Variants in RP1 observed in about 807,000 individuals in gnomAD.
The protein encoded by RP1 is oxygen-regulated protein 1.
RP1 carries 16 observed loss-of-function variants against 14.8 expected under a neutral mutation model. The observed-to-expected ratio is 1.08, with a 90% confidence interval of 0.73 to 1.65. The LOEUF (loss-of-function observed/expected upper bound fraction) is 1.65. Among genes scored for constraint, RP1 ranks in the 40% most tolerant of loss-of-function variants. The pLI is 0.00. For synonymous variants in RP1, 876 were observed against 883.6 expected (o/e 0.99, Z 0.15); for missense variants, 2,631 against 2,535.0 (o/e 1.04, Z -0.81).
intron 12 of RP1, among the ~76,000 whole-genome samples, chr8:54,694,666 TC>T (rs1488116498): frequency 3.3e-5 from 5 of 152,158 alleles, no homozygotes; most frequent in Non-Finnish European, 5.9e-5. Flanking sequence ...GGTGGTGATA[TC>T]CCCTTTATTA....
At chr8:54,664,817 C>T (rs528993882) in intron 7 of RP1, among the ~76,000 whole-genome samples, 1 of 151,994 alleles carries the variant, frequency 6.6e-6, no homozygotes, top group East Asian at 1.9e-4. Flanking sequence ...ACAATGAGAG[C>T]AACAATAGAC....
intron 28 of RP1, among the ~76,000 whole-genome samples, chr8:54,867,374 G>A (rs577668891): frequency 4.6e-4 from 70 of 152,276 alleles, no homozygotes; most frequent in African/African-American, 1.7e-3. Flanking sequence ...TGAAATTCAA[G>A]CTCTAGGAAG....
At chr8:54,829,197 A>G (rs1277410556) in intron 24 of RP1, among the ~76,000 whole-genome samples, 2 of 152,124 alleles carry the variant, frequency 1.3e-5, no homozygotes, top group African/African-American at 4.8e-5. Flanking sequence ...TATGCAGTGC[A>G]TGACTATATA....
chr8:54,676,049 A>G (rs1283796251), intron 8 of RP1, among the ~76,000 whole-genome samples: 1 of 151,878 alleles, frequency 6.6e-6, no homozygotes, highest in Non-Finnish European at 1.5e-5. Flanking sequence ...CACTCATCCC[A>G]CTCATGAGGG....
intron 1 of RP1, among the ~76,000 whole-genome samples, chr8:54,604,377 A>G (rs1465938968): frequency 6.6e-6 from 1 of 152,208 alleles, no homozygotes. Flanking sequence ...CTTGCATCCC[A>G]GGGATGAAGC....
intron 7 of RP1, among the ~76,000 whole-genome samples, chr8:54,667,771 C>T (rs975928779): frequency 2.0e-5 from 3 of 152,044 alleles, no homozygotes; most frequent in Non-Finnish European, 2.9e-5. Flanking sequence ...TGCCATATTG[C>T]TGACATCACC....
intron 1 of RP1, among the ~76,000 whole-genome samples, chr8:54,618,684 C>T (rs938686456): frequency 6.6e-6 from 1 of 152,014 alleles, no homozygotes; most frequent in Non-Finnish European, 1.5e-5. Context: ...GAAATGGAGT[C>T]TTGCTCTGTC....
At chr8:54,672,960 G>A (rs80019844) in intron 7 of RP1, among the ~76,000 whole-genome samples, 1,673 of 152,134 alleles carry the variant, frequency 0.011, 31 homozygotes, top group African/African-American at 0.038. Context: ...TGTTCTGTTT[G>A]GTGGATAAAG....
chr8:54,691,459 A>G (rs1417751011), intron 12 of RP1, among the ~76,000 whole-genome samples: 1 of 152,086 alleles, frequency 6.6e-6, no homozygotes, highest in Non-Finnish European at 1.5e-5. Flanking sequence ...TATGAGTTCT[A>G]GTTTGTGCAT....
intron 19 of RP1, among the ~76,000 whole-genome samples, chr8:54,750,897 A>G (rs1224612900): frequency 6.6e-6 from 1 of 152,214 alleles, no homozygotes; most frequent in East Asian, 1.9e-4. Context: ...GATAGGACAG[A>G]AATGGAGCAT....
intron 24 of RP1, among the ~76,000 whole-genome samples, chr8:54,814,311 C>T (rs762073031): frequency 6.6e-6 from 1 of 151,976 alleles, no homozygotes; most frequent in Non-Finnish European, 1.5e-5. Context: ...AAGGTATGAG[C>T]CTTAAAGTGG....
At chr8:54,856,790 T>C (rs1054570343) in intron 26 of RP1, among the ~76,000 whole-genome samples, 27 of 152,318 alleles carry the variant, frequency 1.8e-4, no homozygotes, top group Middle Eastern at 3.4e-3. Context: ...CCTAATTACG[T>C]TCTAAAAATC....
At position 54,855,973 on chromosome 8, in the gene RP1, C is replaced by CACACA. The variant is rs367829972; in HGVS notation, c.3991-1055_3991-1054insACACA. ...CACACACACACACACACACACACAC[C>CACACA]CCCTATAACCCAGCTGTTTCCCAAC... On this transcript the variant is annotated intron_variant, in intron 26 of 28. Coordinates refer to the RP1 transcript ENST00000637698. 8.4e-3 allele frequency among the ~76,000 whole-genome samples: 854 copies of CACACA among 102,248 alleles called. 14 individuals carry two copies. The highest frequency in any genetic ancestry group is 0.02 in the South Asian group (61 of 3,018). The allele number at this position is 102,248 out of a possible 152,430, so 67.1% of individuals were successfully genotyped here. A position where few individuals can be genotyped will look rare whatever the true frequency, so the allele number is the denominator to read the frequency against.
At chr8:54,560,273 A>T (rs1259189166) in intron 1 of RP1, 3 of 152,200 alleles carry the variant, frequency 2.0e-5, no homozygotes, top group African/African-American at 7.2e-5. Flanking sequence ...TCTGAATGTC[A>T]GCTATCACTT....
chr8:54,783,929 A>T (rs1563375422), intron 24 of RP1, among the ~76,000 whole-genome samples: 1 of 152,162 alleles, frequency 6.6e-6, no homozygotes. Context: ...ATTTGTATAA[A>T]GGCAAAAAAC....
At chr8:54,701,309 GT>G (rs1329113666) in intron 13 of RP1, among the ~76,000 whole-genome samples, 3 of 152,138 alleles carry the variant, frequency 2.0e-5, no homozygotes, top group African/African-American at 7.2e-5. Context: ...ATTGGAGCAA[GT>G]CATTGGAATT....
intron 24 of RP1, among the ~76,000 whole-genome samples, chr8:54,811,484 G>A (rs1257319086): frequency 1.3e-5 from 2 of 152,150 alleles, no homozygotes; most frequent in African/African-American, 2.4e-5. Flanking sequence ...CCCTCTTGCA[G>A]TACTAATCAC....
downstream of RP1, among the ~76,000 whole-genome samples, chr8:54,771,984 T>G (rs1250687940): frequency 1.3e-5 from 2 of 152,016 alleles, no homozygotes; most frequent in African/African-American, 2.4e-5. Flanking sequence ...CTATTTAAAT[T>G]TAAAGGAGAA....
At chr8:54,657,462 G>A (rs1044966563) in intron 6 of RP1, among the ~76,000 whole-genome samples, 2 of 152,130 alleles carry the variant, frequency 1.3e-5, no homozygotes, top group African/African-American at 4.8e-5. Flanking sequence ...CCTATCATAT[G>A]TATCTATAAA....
Sources: allele counts gnomAD v4.1 joint callset (sites outside exome capture counted in the v4.1 genomes callset), GRCh38; gene constraint gnomAD v4.1.1; transcripts MANE v1.5; gene names NCBI Gene and HGNC (gene_info 2026-07-23, HGNC 2026-07-21).